DLG2: variants seen among roughly 807,000 people sequenced by gnomAD.
DLG2 encodes disks large homolog 2.
In DLG2, 45 loss-of-function variants were observed where a neutral mutation model predicts 132.5. The observed-to-expected ratio is 0.34, with a 90% CI of 0.27 to 0.44. The LOEUF (loss-of-function observed/expected upper bound fraction) is 0.44, where lower values mean the gene tolerates loss of function less well. Among genes scored for constraint, DLG2 ranks in the 20% least tolerant of loss-of-function variants. The pLI, the probability that DLG2 is intolerant of heterozygous loss-of-function variation, is 1.00. For synonymous variants in DLG2, 424 were observed against 419.6 expected (o/e 1.01, Z -0.13); for missense variants, 1,045 against 1,196.9 (o/e 0.87, Z 1.87).
At chr11:85,011,861 T>A (rs895053669) in intron 6 of DLG2, among the ~76,000 whole-genome samples, 4 of 152,178 alleles carry the variant, frequency 2.6e-5, no homozygotes, top group African/African-American at 9.7e-5. Context: ...AACAAAAGAA[T>A]ATATCATGTA....
chr11:84,220,807 G>T (rs1156706596), intron 8 of DLG2, among the ~76,000 whole-genome samples: 2 of 132,088 alleles, frequency 1.5e-5, no homozygotes, highest in Non-Finnish European at 1.6e-5. Context: ...TTTTTGACAG[G>T]GTCTAGCTCT....
At chr11:84,085,975 A>G (rs1014510162) in intron 10 of DLG2, among the ~76,000 whole-genome samples, 1 of 152,200 alleles carries the variant, frequency 6.6e-6, no homozygotes, top group Non-Finnish European at 1.5e-5. Flanking sequence ...CAGAAATGCT[A>G]TTTATCAGAT....
intron 22 of DLG2, among the ~76,000 whole-genome samples, chr11:83,482,695 CAAAT>C (rs1010874211): frequency 9.9e-5 from 15 of 152,048 alleles, no homozygotes; most frequent in African/African-American, 3.1e-4. Flanking sequence ...AAGTTAATAA[CAAAT>C]AAATAAATAC....
chr11:85,009,030 T>A (rs1310419646), intron 6 of DLG2, among the ~76,000 whole-genome samples: 1 of 151,812 alleles, frequency 6.6e-6, no homozygotes, highest in Non-Finnish European at 1.5e-5. Flanking sequence ...AATACAAAAG[T>A]CCTAAGGCGG....
chr11:84,593,926 T>C (rs1565399910), intron 6 of DLG2, among the ~76,000 whole-genome samples: 1 of 152,230 alleles, frequency 6.6e-6, no homozygotes, highest in Non-Finnish European at 1.5e-5. Flanking sequence ...CTGTTTAACA[T>C]TACCTAATTG....
chr11:83,855,133 C>G (rs935525442), intron 16 of DLG2, among the ~76,000 whole-genome samples: 1 of 152,176 alleles, frequency 6.6e-6, no homozygotes, highest in Middle Eastern at 3.2e-3. Flanking sequence ...TACCACTACA[C>G]GCCCATTGAA....
chr11:84,094,481 T>TTATTTTGTTATATTAA (rs1261888238), intron 10 of DLG2, among the ~76,000 whole-genome samples: 10 of 152,104 alleles, frequency 6.6e-5, no homozygotes, highest in Admixed American at 6.5e-4. Context: ...TATTTAACTG[T>TTATTTTGTTATATTAA]CAAAAATATA....
chr11:84,248,411 T>G (rs1044446908), intron 8 of DLG2, among the ~76,000 whole-genome samples: 1 of 152,130 alleles, frequency 6.6e-6, no homozygotes, highest in Non-Finnish European at 1.5e-5. Context: ...TCCTCTCTTA[T>G]AGGTTAATTT....
chr11:84,441,230 T>TTGAACTC (rs957935050), intron 7 of DLG2, among the ~76,000 whole-genome samples: 6 of 152,102 alleles, frequency 3.9e-5, no homozygotes, highest in South Asian at 2.1e-4. Flanking sequence ...CACTGCAGCC[T>TTGAACTC]TGAACTCCTG....
chr11:84,919,009 ATGCATATATGTCAT>A (rs1337014980), intron 6 of DLG2, among the ~76,000 whole-genome samples: 1 of 152,178 alleles, frequency 6.6e-6, no homozygotes, highest in Non-Finnish European at 1.5e-5. Flanking sequence ...ACATGTGAAT[ATGCATATATGTCAT>A]TGTGATGGTT....
At chr11:84,013,369 G>A (rs567837133) in intron 11 of DLG2, among the ~76,000 whole-genome samples, 1 of 152,232 alleles carries the variant, frequency 6.6e-6, no homozygotes, top group South Asian at 2.1e-4. Context: ...AAGAGAACAA[G>A]TATCTAATAT....
In DLG2 at chr11:83,532,865, T is replaced by C. The variant is rs766192017; in HGVS notation, c.2118-82A>G. The C allele has an allele frequency of 2.8e-4, 316 of 1,145,588 alleles. 1 individual carries two copies. Among genetic ancestry groups the C allele is most frequent in the Non-Finnish European group, 4.5e-5 (35 of 780,020 alleles). The allele number at this position is 1,145,588 out of a possible 1,614,324, so 71.0% of individuals were successfully genotyped here. ...TCCATATTAAGTGAAGAACATTTTT[T>C]CCTCCTATCCTTGAAGCTCAAATAA... On this transcript the variant is annotated intron_variant, in intron 20 of 27. Transcript: ENST00000376104.
intron 9 of DLG2, among the ~76,000 whole-genome samples, chr11:84,147,559 C>A (rs1196769018): frequency 6.6e-6 from 1 of 152,058 alleles, no homozygotes; most frequent in Admixed American, 6.6e-5. Flanking sequence ...GAACTAAGTT[C>A]TCATGAGTTA....
In DLG2 at chr11:84,899,000, G is replaced by C. The variant is rs1188402002; in HGVS notation, c.357+212661C>G. Reference sequence around the variant, plus strand: ...AATTTTATTCATTTTTGTATTCCCAGTGCTTGTGCAGAAGCTACATGGTGG... The same window carrying C: ...AATTTTATTCATTTTTGTATTCCCACTGCTTGTGCAGAAGCTACATGGTGG... On this transcript the variant is annotated intron_variant, in intron 6 of 27. Transcript: ENST00000376104. Among the ~76,000 whole-genome samples the C allele has an allele frequency of 2.0e-5, 3 of 152,104 alleles. No individual in the cohort carries two copies. The South Asian group carries it at 6.2e-4, about 32-fold the overall frequency.
chr11:84,422,717 CATT>C (rs2098954806), intron 7 of DLG2, among the ~76,000 whole-genome samples: 1 of 152,068 alleles, frequency 6.6e-6, no homozygotes, highest in African/African-American at 2.4e-5. Context: ...CCTAAATTGT[CATT>C]ATTAATTTAC....
At chr11:83,478,890 C>A (rs2092849758) in intron 22 of DLG2, among the ~76,000 whole-genome samples, 2 of 151,730 alleles carry the variant, frequency 1.3e-5, no homozygotes, top group East Asian at 1.9e-4. Context: ...AAGCTTTGGT[C>A]AATTCTTCTT....
intron 9 of DLG2, among the ~76,000 whole-genome samples, chr11:84,114,293 T>C (rs1264140805): frequency 1.3e-5 from 2 of 152,186 alleles, no homozygotes; most frequent in Non-Finnish European, 2.9e-5. Flanking sequence ...TTTTTGTAAA[T>C]ATTTTGTTAC....
In DLG2 at chr11:85,263,996, T is replaced by A. The variant is rs142049414; in HGVS notation, c.186+21224A>T. 4.4e-3 allele frequency among the ~76,000 whole-genome samples: 677 copies of A among 152,302 alleles called. 8 individuals carry two copies. Among genetic ancestry groups the A allele is most frequent in the African/African-American group, 0.016 (660 of 41,564 alleles). ...AGGCAGGGGCTGAAGGGAAGTTTTA[T>A]AGGGTCGTGCTGGAGTGGCCTGTGT... On this transcript the variant is annotated intron_variant, in intron 4 of 27. Transcript: ENST00000376104.
intron 7 of DLG2, chr11:84,316,847 T>G (rs373138134): frequency 1.5e-4 from 237 of 1,612,476 alleles, no homozygotes; most frequent in Non-Finnish European, 1.9e-4. Flanking sequence ...GAACCAACCA[T>G]GTGGGCAGGT....
Sources: gnomAD v4.1 joint callset for allele counts (sites outside exome capture counted in the v4.1 genomes callset) on GRCh38, gnomAD v4.1.1 for gene constraint, MANE v1.5 for transcripts, NCBI Gene and HGNC (gene_info 2026-07-23, HGNC 2026-07-21) for gene names.